PGBD5: variants seen among roughly 807,000 people sequenced by gnomAD.
The protein encoded by PGBD5 is piggyBac transposable element derived 5, also known as piggyBac transposable element-derived protein 5.
PGBD5 carries 14 observed loss-of-function variants against 47.9 expected under a neutral mutation model. The observed-to-expected ratio is 0.29, with a 90% confidence interval of 0.19 to 0.46. PGBD5 has a LOEUF of 0.46. PGBD5 is among the 20% of genes least tolerant of loss of function. The probability of loss-of-function intolerance (pLI) is 1.00; values close to 1 mark genes in which losing one functional copy is unlikely to be tolerated. For synonymous variants in PGBD5, 316 were observed against 306.3 expected, an observed-to-expected ratio of 1.03 and a Z score of -0.33; for missense variants, 635 against 716.0, an observed-to-expected ratio of 0.89 and a Z score of 1.29.
chr1:230,360,986 A>G (rs546366603), intron 1 of PGBD5, among the ~76,000 whole-genome samples: 7 of 152,326 alleles, frequency 4.6e-5, no homozygotes. Context: ...ACGCAGCCCA[A>G]GGGCATCCAC....
intron 1 of PGBD5, among the ~76,000 whole-genome samples, chr1:230,411,111 C>CA (rs1657398113): frequency 6.6e-6 from 1 of 151,170 alleles, no homozygotes; most frequent in Admixed American, 6.6e-5. Flanking sequence ...ACCCTGTCTA[C>CA]AAAAAATTAA....
chr1:230,362,178 T>G, intron 1 of PGBD5: 1 of 1,262,578 alleles, frequency 7.9e-7, no homozygotes, highest in Non-Finnish European at 1.0e-6. Context: ...GCAGGCTCAC[T>G]CTGCTGCACG....
intron 4 of PGBD5, among the ~76,000 whole-genome samples, chr1:230,336,767 A>G (rs1185765503): frequency 6.6e-6 from 1 of 152,150 alleles, no homozygotes; most frequent in African/African-American, 2.4e-5. Flanking sequence ...GAGACTTCCT[A>G]GAGCCTTACT....
At chr1:230,423,455 T>C (rs1444163654) in intron 1 of PGBD5, among the ~76,000 whole-genome samples, 1 of 152,188 alleles carries the variant, frequency 6.6e-6, no homozygotes, top group Non-Finnish European at 1.5e-5. Flanking sequence ...TGATCCTCTT[T>C]GCTCCCCAAG....
At chr1:230,418,721 C>T (rs1657579114) in intron 1 of PGBD5, among the ~76,000 whole-genome samples, 1 of 152,152 alleles carries the variant, frequency 6.6e-6, no homozygotes. Flanking sequence ...AACTCTTGGT[C>T]TCAAACAATT....
chr1:230,335,610 GAC>G (rs1161977973), intron 4 of PGBD5, among the ~76,000 whole-genome samples: 2 of 49,234 alleles, frequency 4.1e-5, no homozygotes, highest in African/African-American at 1.3e-4. Flanking sequence ...TACAGACACA[GAC>G]ACACACACAG....
intron 1 of PGBD5, among the ~76,000 whole-genome samples, chr1:230,384,229 G>T (rs1656583719): frequency 6.6e-6 from 1 of 152,180 alleles, no homozygotes; most frequent in Admixed American, 6.5e-5. Context: ...ACAAACAGGA[G>T]TAGTAAAAAG....
At chr1:230,340,499 G>A (rs1667393053) in intron 3 of PGBD5, among the ~76,000 whole-genome samples, 1 of 152,118 alleles carries the variant, frequency 6.6e-6, no homozygotes, top group Non-Finnish European at 1.5e-5. Flanking sequence ...ATACACTCAA[G>A]CGGCTATTTC....
chr1:230,359,150 C>G (rs1161009212), intron 1 of PGBD5, among the ~76,000 whole-genome samples: 1 of 152,080 alleles, frequency 6.6e-6, no homozygotes, highest in Non-Finnish European at 1.5e-5. Context: ...AAACCTCCAC[C>G]TCCCAGGTTC....
chr1:230,341,871 A>G (rs755895087), intron 3 of PGBD5, among the ~76,000 whole-genome samples: 2 of 152,150 alleles, frequency 1.3e-5, no homozygotes, highest in Non-Finnish European at 2.9e-5. Context: ...CTTTTCCTAA[A>G]AAGTTTTTTT....
At chr1:230,370,893 T>C (rs1667917920) in intron 1 of PGBD5, among the ~76,000 whole-genome samples, 1 of 152,224 alleles carries the variant, frequency 6.6e-6, no homozygotes, top group Non-Finnish European at 1.5e-5. Context: ...ATGTATTAGA[T>C]AGAATGAAAG....
At chr1:230,325,453 C>T (rs556226484) in intron 5 of PGBD5, 38 bp from the exon 6 acceptor site, 1 of 1,451,556 alleles carries the variant, frequency 6.9e-7, no homozygotes, top group South Asian at 1.2e-5. Flanking sequence ...TTCCTCAGCA[C>T]CTCCTCCTAA....
Position 230,365,269 on chromosome 1 carries a change from T to A in PGBD5, c.332-7948A>T, listed in dbSNP as rs185698056. ...CAGAAGTTGCAGTGAGCTGAGATCA[T>A]GCCACTGTACTCCAGCCTGGGCGAC... is the stretch of plus-strand genomic sequence containing the variant. On this transcript the variant is annotated intron_variant, in intron 1 of 6. Coordinates refer to ENST00000391860, the MANE Select transcript of PGBD5 (RefSeq NM_001258311.2). Among the ~76,000 whole-genome samples the A allele has an allele frequency of 2.2e-4, 32 of 147,812 alleles. 1 individual carries two copies. In the East Asian group the frequency reaches 6.1e-3, roughly 28 times the overall value.
At chr1:230,395,408 C>T (rs1412295652) in intron 1 of PGBD5, among the ~76,000 whole-genome samples, 30 of 20,616 alleles carry the variant, frequency 1.5e-3, no homozygotes, top group Non-Finnish European at 1.2e-3. Context: ...GCTCCTCTCA[C>T]TCCCACCCTC....
chr1:230,380,302 CAGAG>C, intron 1 of PGBD5, among the ~76,000 whole-genome samples: 1 of 152,368 alleles, frequency 6.6e-6, no homozygotes, highest in African/African-American at 2.4e-5. Flanking sequence ...CTTAATTACA[CAGAG>C]AAATTAATCC....
chr1:230,413,589 T>C (rs1394206210), intron 1 of PGBD5, among the ~76,000 whole-genome samples: 1 of 152,088 alleles, frequency 6.6e-6, no homozygotes, highest in East Asian at 1.9e-4. Flanking sequence ...GCAAATGCAA[T>C]GGAGATTTTT....
intron 1 of PGBD5, chr1:230,368,087 G>C: frequency 1.5e-6 from 2 of 1,367,966 alleles, no homozygotes; most frequent in Non-Finnish European, 2.0e-6. Context: ...GGTTGCTTCT[G>C]ATTTTCCACG....
intron 3 of PGBD5, among the ~76,000 whole-genome samples, chr1:230,346,921 G>A (rs919656171): frequency 6.6e-6 from 1 of 152,160 alleles, no homozygotes; most frequent in Admixed American, 6.5e-5. Context: ...CTATGGTGGT[G>A]TGGTTAACCA....
chr1:230,328,568 G>C (rs964856254), intron 5 of PGBD5, among the ~76,000 whole-genome samples: 6 of 152,186 alleles, frequency 3.9e-5, no homozygotes, highest in African/African-American at 1.4e-4. Context: ...CAGATTCGTG[G>C]TGGACGCTGT....
Sources: gnomAD v4.1 joint callset for allele counts (sites outside exome capture counted in the v4.1 genomes callset) on GRCh38, gnomAD v4.1.1 for gene constraint, MANE v1.5 for transcripts, NCBI Gene and HGNC (gene_info 2026-07-23, HGNC 2026-07-21) for gene names.